UTRN: variants seen among roughly 807,000 people sequenced by gnomAD.
The protein encoded by UTRN is dystrophin-related protein 1.
A neutral mutation model predicts 463.9 loss-of-function variants in UTRN; 283 were observed. The ratio of observed to expected loss-of-function variants is 0.61; its 90% CI spans 0.55 to 0.67. UTRN has a LOEUF of 0.67. Among genes scored for constraint, UTRN ranks in the 30% least tolerant of loss-of-function variants. The pLI is 0.00. For synonymous variants in UTRN, 1,442 were observed against 1,431.5 expected (o/e 1.01, Z -0.17); for missense variants, 3,922 against 4,084.3 (o/e 0.96, Z 1.08).
At chr6:144,451,904 T>C (rs1584843952) in intron 18 of UTRN, among the ~76,000 whole-genome samples, 1 of 152,238 alleles carries the variant, frequency 6.6e-6, no homozygotes, top group East Asian at 1.9e-4. Flanking sequence ...TATATTTTCT[T>C]TAGAGTTGTA....
intron 14 of UTRN, 90 bp from the exon 15 acceptor site, chr6:144,447,121 T>C: frequency 8.9e-6 from 11 of 1,234,072 alleles, no homozygotes; most frequent in Non-Finnish European, 1.3e-5. Flanking sequence ...AAGCCTCTAA[T>C]AAAATAAAAG....
At chr6:144,826,001 G>T (rs1780141338) in intron 66 of UTRN, among the ~76,000 whole-genome samples, 1 of 121,318 alleles carries the variant, frequency 8.2e-6, no homozygotes, top group African/African-American at 3.1e-5. Context: ...CTGTTGTGGG[G>T]TGGGGGGAGG....
At chr6:144,551,325 T>G (rs762653954) in intron 48 of UTRN, among the ~76,000 whole-genome samples, 1 of 152,214 alleles carries the variant, frequency 6.6e-6, no homozygotes. Context: ...TCACGACTCT[T>G]AAGTAATTAC....
intron 51 of UTRN, among the ~76,000 whole-genome samples, chr6:144,624,388 C>A (rs951571): frequency 2.0e-5 from 3 of 151,858 alleles, no homozygotes; most frequent in African/African-American, 7.3e-5. Flanking sequence ...AGACCAGGCA[C>A]GACGACAGTA....
At chr6:144,676,366 A>C (rs1038927089) in intron 51 of UTRN, among the ~76,000 whole-genome samples, 1 of 152,152 alleles carries the variant, frequency 6.6e-6, no homozygotes. Flanking sequence ...AAATTTAAGA[A>C]CCATTTTAAA....
chr6:144,604,633 G>T (rs906614563), intron 51 of UTRN, among the ~76,000 whole-genome samples: 1 of 152,012 alleles, frequency 6.6e-6, no homozygotes, highest in Non-Finnish European at 1.5e-5. Flanking sequence ...GCATAAAAAG[G>T]CCAGGCGTGG....
At chr6:144,771,495 G>A (rs755230052) in intron 58 of UTRN, among the ~76,000 whole-genome samples, 2 of 151,798 alleles carry the variant, frequency 1.3e-5, no homozygotes, top group African/African-American at 4.8e-5. Flanking sequence ...AAACGATCTC[G>A]GCTCACTGCA....
At chr6:144,595,197 A>G (rs903318668) in intron 51 of UTRN, among the ~76,000 whole-genome samples, 1 of 152,220 alleles carries the variant, frequency 6.6e-6, no homozygotes, top group East Asian at 1.9e-4. Context: ...GGAATAATTT[A>G]CATTCCACAT....
At chr6:144,459,487 CAA>C (rs1789194020) in intron 21 of UTRN, 133 bp downstream of exon 21, 2 of 992,650 alleles carry the variant, frequency 2.0e-6, no homozygotes, top group East Asian at 2.7e-5. Flanking sequence ...CTGTATTGTT[CAA>C]AGTCTTAAAG....
chr6:144,597,095 G>C (rs556823632), intron 51 of UTRN, among the ~76,000 whole-genome samples: 10 of 152,166 alleles, frequency 6.6e-5, no homozygotes, highest in Non-Finnish European at 1.0e-4. Flanking sequence ...AAAATTAGCC[G>C]GATGTGGTGG....
intron 50 of UTRN, among the ~76,000 whole-genome samples, chr6:144,574,580 T>C (rs1801254834): frequency 6.8e-6 from 1 of 147,412 alleles, no homozygotes; most frequent in African/African-American, 2.7e-5. Context: ...TGGTTTTTTT[T>C]GTTGTTGTTT....
At chr6:144,757,869 A>G in intron 57 of UTRN, 60 bp from the exon 58 acceptor site, 1 of 1,490,986 alleles carries the variant, frequency 6.7e-7, no homozygotes, top group Non-Finnish European at 9.2e-7. Flanking sequence ...GTTGTTTTGC[A>G]TTAAGGTGTA....
rs778611788 is a variant in UTRN at position 144,789,199 on chromosome 6, G to A, written c.8840G>A (p.Arg2947Gln). The change falls in exon 62 of 75, where the codon CGA (arginine) becomes CAA (glutamine). Residue 2947 changes from arginine (R) to glutamine (Q), a missense_variant. Coordinates refer to ENST00000367545, the MANE Select transcript of UTRN (RefSeq NM_007124.3). Reference sequence around the variant, plus strand: ...TAACATTCTTATAATTTTAGGGGTCGAACTGGAAAAATTAGAGTGCAGAGT... The same window carrying A: ...TAACATTCTTATAATTTTAGGGGTCAAACTGGAAAAATTAGAGTGCAGAGT... Reference protein sequence around the residue: ...NWLLNVYDTGRTGKIRVQSLK... With the variant: ...NWLLNVYDTGQTGKIRVQSLK... 11 of 1,612,594 alleles carry A rather than the reference G, an allele frequency of 6.8e-6. No individual in the cohort carries two copies. The highest frequency in any genetic ancestry group is 6.7e-5 in the East Asian group (3 of 44,742).
intron 3 of UTRN, among the ~76,000 whole-genome samples, chr6:144,405,443 G>T (rs1010001163): frequency 6.6e-6 from 1 of 151,952 alleles, no homozygotes; most frequent in Admixed American, 6.6e-5. Flanking sequence ...GGGAAAGACC[G>T]TATTCATGCC....
intron 60 of UTRN, among the ~76,000 whole-genome samples, chr6:144,777,695 G>GCTC (rs550861518): frequency 6.6e-6 from 1 of 152,308 alleles, no homozygotes; most frequent in South Asian, 2.1e-4. Flanking sequence ...TTCCGAGGAG[G>GCTC]GGGAGAGTCC....
At chr6:144,732,261 C>CATATATATATATATACATATATATATAT (rs1562832840) in intron 54 of UTRN, among the ~76,000 whole-genome samples, 1 of 122,662 alleles carries the variant, frequency 8.2e-6, no homozygotes, top group South Asian at 2.8e-4. Flanking sequence ...TATATATACA[C>CATATATATATATATACATATATATATAT]ACATATATAT....
intron 66 of UTRN, among the ~76,000 whole-genome samples, chr6:144,826,164 AT>A (rs1193806265): frequency 6.6e-6 from 1 of 150,706 alleles, no homozygotes; most frequent in African/African-American, 2.4e-5. Flanking sequence ...AAAAGAAAAA[AT>A]AAATAAATAA....
At chr6:144,473,618 G>T in intron 23 of UTRN, 102 bp from the exon 24 acceptor site, 1 of 706,374 alleles carries the variant, frequency 1.4e-6, no homozygotes, top group South Asian at 2.4e-5. Flanking sequence ...CGATGCTATC[G>T]GAGCTTTAAA....
chr6:144,394,269 T>C (rs1217311301), intron 2 of UTRN, among the ~76,000 whole-genome samples: 2 of 152,064 alleles, frequency 1.3e-5, no homozygotes, highest in African/African-American at 2.4e-5. Context: ...AGGTAATTTA[T>C]AAAGAAAAAG....
Sources: gnomAD v4.1 joint callset for allele counts (sites outside exome capture counted in the v4.1 genomes callset) on GRCh38, gnomAD v4.1.1 for gene constraint, MANE v1.5 for transcripts, NCBI Gene and HGNC (gene_info 2026-07-23, HGNC 2026-07-21) for gene names.